GUCY1A2: variants seen among roughly 807,000 people sequenced by gnomAD.
GUCY1A2 encodes the protein guanylate cyclase soluble subunit alpha-2.
Under a neutral mutation model 63.5 loss-of-function variants are expected in GUCY1A2, and 27 were observed. That is an observed-to-expected ratio of 0.43 (90% CI 0.31 to 0.59). The LOEUF (loss-of-function observed/expected upper bound fraction) is 0.59. GUCY1A2 is among the 20% of genes least tolerant of loss of function. GUCY1A2 has a pLI of 0.11. For missense variants in GUCY1A2, 768 were observed against 913.3 expected (o/e 0.84, Z 2.05); for synonymous variants, 364 against 343.5 (o/e 1.06, Z -0.66).
In GUCY1A2 at chr11:106,709,478, T is replaced by TA. The variant is rs1247615870; in HGVS notation, c.1837-813_1837-812insT. On this transcript the variant is annotated intron_variant, in intron 6 of 7. Coordinates refer to ENST00000526355, the MANE Select transcript of GUCY1A2 (RefSeq NM_000855.3). The stretch of plus-strand genomic sequence containing the variant: ...TATATTTATAGAATAATATATATTA[T>TA]TATATATTTATATATATATAATAAT... Among the ~76,000 whole-genome samples the TA allele has an allele frequency of 3.8e-3, 232 of 61,458 alleles. 9 individuals carry two copies. Among genetic ancestry groups the TA allele is most frequent in the Non-Finnish European group, 4.7e-3 (185 of 39,096 alleles). The allele number at this position is 61,458 out of a possible 152,430, so 40.3% of individuals were successfully genotyped here.
chr11:107,011,507 T>C (rs1243027562), intron 1 of GUCY1A2, among the ~76,000 whole-genome samples: 2 of 147,308 alleles, frequency 1.4e-5, no homozygotes, highest in African/African-American at 4.9e-5. Context: ...ATCAGGACTA[T>C]ATAATATATA....
At chr11:107,000,755 TAAGACTCTCTC>T (rs1231970656) in intron 1 of GUCY1A2, among the ~76,000 whole-genome samples, 1 of 152,176 alleles carries the variant, frequency 6.6e-6, no homozygotes, top group Non-Finnish European at 1.5e-5. Context: ...ACACAATTTG[TAAGACTCTCTC>T]TATCCTTTCC....
intron 3 of GUCY1A2, among the ~76,000 whole-genome samples, chr11:106,969,519 G>A (rs1307836792): frequency 6.6e-6 from 1 of 151,904 alleles, no homozygotes; most frequent in Non-Finnish European, 1.5e-5. Context: ...GGTTGGGGGA[G>A]AAAGGAAGGT....
intron 6 of GUCY1A2, among the ~76,000 whole-genome samples, chr11:106,751,446 A>G (rs899211963): frequency 6.6e-6 from 1 of 151,092 alleles, no homozygotes; most frequent in Non-Finnish European, 1.5e-5. Flanking sequence ...AAATCATTAA[A>G]TAGCATTCTC....
intron 6 of GUCY1A2, among the ~76,000 whole-genome samples, chr11:106,709,623 A>C (rs960928076): frequency 2.0e-5 from 1 of 50,190 alleles, no homozygotes; most frequent in South Asian, 8.1e-4. Flanking sequence ...ATATACGTGT[A>C]TATATTATAT....
At chr11:106,719,841 T>A (rs1863283217) in intron 6 of GUCY1A2, among the ~76,000 whole-genome samples, 1 of 152,198 alleles carries the variant, frequency 6.6e-6, no homozygotes, top group Admixed American at 6.5e-5. Context: ...CAAAAATCAC[T>A]TAATGTTTTA....
chr11:106,934,739 A>G (rs752403860), intron 4 of GUCY1A2, among the ~76,000 whole-genome samples: 1 of 152,210 alleles, frequency 6.6e-6, no homozygotes, highest in Non-Finnish European at 1.5e-5. Context: ...AACAAAAGTG[A>G]AGATGAATAA....
chr11:106,961,901 G>T (rs1861062983), intron 3 of GUCY1A2, among the ~76,000 whole-genome samples: 1 of 152,152 alleles, frequency 6.6e-6, no homozygotes, highest in Non-Finnish European at 1.5e-5. Flanking sequence ...ATCTCCCAAT[G>T]TAGGCAATCT....
chr11:106,784,090 C>A (rs895293573), intron 5 of GUCY1A2, among the ~76,000 whole-genome samples: 3 of 152,050 alleles, frequency 2.0e-5, no homozygotes, highest in African/African-American at 7.2e-5. Flanking sequence ...ACATGGATAT[C>A]ACTTCATCAA....
intron 6 of GUCY1A2, among the ~76,000 whole-genome samples, chr11:106,762,566 T>G (rs564602539): frequency 2.6e-5 from 4 of 152,232 alleles, no homozygotes; most frequent in Admixed American, 2.0e-4. Flanking sequence ...GAAGAATTAT[T>G]ATGAAGAAAA....
chr11:106,996,363 C>T (rs1861535441), intron 1 of GUCY1A2, among the ~76,000 whole-genome samples: 1 of 152,174 alleles, frequency 6.6e-6, no homozygotes, highest in African/African-American at 2.4e-5. Flanking sequence ...ATGATTCAAC[C>T]ATCTTAACTA....
At chr11:106,695,545 A>C (rs1407993827) in intron 7 of GUCY1A2, among the ~76,000 whole-genome samples, 1 of 152,162 alleles carries the variant, frequency 6.6e-6, no homozygotes. Context: ...AAAGTTCCTG[A>C]ATTTTTCCTA....
chr11:106,742,855 T>TACTTTCA (rs1409295577), intron 6 of GUCY1A2, among the ~76,000 whole-genome samples: 1 of 152,014 alleles, frequency 6.6e-6, no homozygotes, highest in African/African-American at 2.4e-5. Context: ...AAACAGATAC[T>TACTTTCA]ACTTTCAATA....
chr11:106,816,500 C>T (rs1048143009), intron 4 of GUCY1A2, among the ~76,000 whole-genome samples: 13 of 150,868 alleles, frequency 8.6e-5, no homozygotes, highest in African/African-American at 2.9e-4. Context: ...ATAATCAAGG[C>T]GAGAACAAAT....
At chr11:106,708,407 T>C in intron 7 of GUCY1A2, 105 bp downstream of exon 7, 2 of 886,720 alleles carry the variant, frequency 2.3e-6, no homozygotes, top group Non-Finnish European at 3.4e-6. Flanking sequence ...TCATAATATC[T>C]TGGAGAATGA....
intron 4 of GUCY1A2, among the ~76,000 whole-genome samples, chr11:106,811,642 T>C (rs1204318713): frequency 6.6e-6 from 1 of 152,094 alleles, no homozygotes; most frequent in African/African-American, 2.4e-5. Context: ...TTTTCTCCCT[T>C]GTACCATTCA....
At chr11:106,828,126 G>T (rs1443085005) in intron 4 of GUCY1A2, among the ~76,000 whole-genome samples, 1 of 151,860 alleles carries the variant, frequency 6.6e-6, no homozygotes, top group Non-Finnish European at 1.5e-5. Context: ...GGCATAATTC[G>T]CAAATATTTT....
intron 4 of GUCY1A2, among the ~76,000 whole-genome samples, chr11:106,840,282 G>C (rs1859178552): frequency 6.6e-6 from 1 of 151,814 alleles, no homozygotes; most frequent in Non-Finnish European, 1.5e-5. Flanking sequence ...GAAGATACTT[G>C]GAAAAATAAT....
intron 6 of GUCY1A2, among the ~76,000 whole-genome samples, chr11:106,720,762 T>C (rs139471334): frequency 6.6e-6 from 1 of 152,154 alleles, no homozygotes; most frequent in Admixed American, 6.5e-5. Flanking sequence ...TAAGGAGGTA[T>C]GATTACCAAA....
Sources: gnomAD v4.1 joint callset for allele counts (sites outside exome capture counted in the v4.1 genomes callset) on GRCh38, gnomAD v4.1.1 for gene constraint, MANE v1.5 for transcripts, NCBI Gene and HGNC (gene_info 2026-07-23, HGNC 2026-07-21) for gene names.